EDNRA: variants seen among roughly 807,000 people sequenced by gnomAD.
EDNRA encodes the protein endothelin receptor type A, also known as endothelin-1 receptor.
A neutral mutation model predicts 41.4 loss-of-function variants in EDNRA; 11 were observed. The observed-to-expected ratio is 0.27, with a 90% CI of 0.17 to 0.44. The LOEUF (loss-of-function observed/expected upper bound fraction) is 0.44. Among genes scored for constraint, EDNRA ranks in the 20% least tolerant of loss-of-function variants. The pLI is 1.00. For synonymous variants in EDNRA, 172 were observed against 183.0 expected (o/e 0.94, Z 0.49); for missense variants, 294 against 531.0 (o/e 0.55, Z 4.39).
In EDNRA at chr4:147,500,425, A is replaced by T. The variant is rs538753914; in HGVS notation, c.420+14324A>T. ...TTCTCTGTTTACATTAGATTTTTCC[A>T]AACTGTTAGCAGTCAGGTGCGGTGA... On this transcript the variant is annotated intron_variant, in intron 2 of 7. Coordinates refer to ENST00000651419, the MANE Select transcript of EDNRA (RefSeq NM_001957.4). 1.4e-4 allele frequency among the ~76,000 whole-genome samples: 21 copies of T among 152,336 alleles called. No homozygotes were observed. In the East Asian group the frequency reaches 3.5e-3, roughly 25 times the overall value.
intron 3 of EDNRA, among the ~76,000 whole-genome samples, chr4:147,521,013 T>G (rs1313117853): frequency 1.3e-5 from 2 of 152,130 alleles, no homozygotes; most frequent in Non-Finnish European, 2.9e-5. Flanking sequence ...TCCTAGCACT[T>G]TAGGAGGCCA....
In EDNRA at chr4:147,523,480, GTT is replaced by G. The variant is rs1288499519; in HGVS notation, c.548+3508_548+3509del. ...GTGTTTGTTTTTTTTTGTTGTTGTT[GTT>G]TTTTTGTTTTTTTTGTTTTTTTTTT... On this transcript the variant is annotated intron_variant, in intron 3 of 7. Transcript: ENST00000651419. Among the ~76,000 whole-genome samples, 60 of 140,566 alleles carry G rather than the reference GTT, an allele frequency of 4.3e-4. 2 individuals carry two copies. Among genetic ancestry groups the G allele is most frequent in the African/African-American group, 1.7e-3 (58 of 35,108 alleles). 92.2% of individuals were successfully genotyped at this position (140,566 alleles called of 152,430 possible).
chr4:147,534,331 T>G (rs1390092150), intron 4 of EDNRA, among the ~76,000 whole-genome samples: 2 of 152,228 alleles, frequency 1.3e-5, no homozygotes, highest in Non-Finnish European at 2.9e-5. Context: ...GACTGAAATC[T>G]TTCTACAGTG....
Position 147,488,778 on chromosome 4 carries a change from C to G in EDNRA, c.420+2677C>G, listed in dbSNP as rs1036464187. 3 of 152,218 alleles carry G rather than the reference C, an allele frequency of 2.0e-5. No individual in the cohort carries two copies. In the East Asian group the frequency reaches 5.8e-4, roughly 29 times the overall value. 9.4% of individuals were successfully genotyped at this position (152,218 alleles called of 1,614,324 possible). Reference sequence around the variant, plus strand: ...TCTTCTGACTTCTAAGCAGGATACTCAAGAGATCCTTCCAAGCAATGTGAG... The same window carrying G: ...TCTTCTGACTTCTAAGCAGGATACTGAAGAGATCCTTCCAAGCAATGTGAG... On this transcript the variant is annotated intron_variant, in intron 2 of 7. Transcript: ENST00000651419.
chr4:147,535,390 A>G (rs1385768810), intron 4 of EDNRA, among the ~76,000 whole-genome samples: 4 of 152,218 alleles, frequency 2.6e-5, no homozygotes, highest in Non-Finnish European at 4.4e-5. Context: ...CTATTAACCA[A>G]AGCTACACAG....
chr4:147,523,460 T>C (rs558486776), intron 3 of EDNRA, among the ~76,000 whole-genome samples: 1 of 138,660 alleles, frequency 7.2e-6, no homozygotes, highest in East Asian at 2.0e-4. Flanking sequence ...GTTGGGTGTT[T>C]GTTTTTTTTT....
intron 2 of EDNRA, among the ~76,000 whole-genome samples, chr4:147,502,677 A>G (rs1049723019): frequency 6.6e-6 from 1 of 152,242 alleles, no homozygotes; most frequent in Non-Finnish European, 1.5e-5. Context: ...GCCAATATCC[A>G]AACTTTACTC....
chr4:147,496,818 T>C (rs1385890874), intron 2 of EDNRA, among the ~76,000 whole-genome samples: 2 of 152,250 alleles, frequency 1.3e-5, no homozygotes, highest in African/African-American at 4.8e-5. Flanking sequence ...TATCGCACTT[T>C]CTCAATTCTA....
chr4:147,523,970 G>A (rs1283444257), intron 3 of EDNRA, among the ~76,000 whole-genome samples: 1 of 152,014 alleles, frequency 6.6e-6, no homozygotes, highest in Non-Finnish European at 1.5e-5. Flanking sequence ...AGTCATTTGA[G>A]GGGCTTAGAA....
chr4:147,488,546 C>T (rs185707124), intron 2 of EDNRA: 1 of 151,914 alleles, frequency 6.6e-6, no homozygotes, highest in East Asian at 1.9e-4. Context: ...TTCCAAAACT[C>T]GTAATGAGTC....
At chr4:147,493,547 A>C (rs924946896) in intron 2 of EDNRA, 1 of 152,198 alleles carries the variant, frequency 6.6e-6, no homozygotes, top group African/African-American at 2.4e-5. Context: ...ATATACTGCC[A>C]GAAATTCTAC....
intron 2 of EDNRA, among the ~76,000 whole-genome samples, chr4:147,505,211 A>G (rs1729650104): frequency 8.1e-6 from 1 of 123,218 alleles, no homozygotes; most frequent in Admixed American, 7.6e-5. Context: ...GTAAAAAAAA[A>G]AAAAAGAGAG....
chr4:147,497,584 T>G (rs1214802866), intron 2 of EDNRA, among the ~76,000 whole-genome samples: 2 of 152,096 alleles, frequency 1.3e-5, no homozygotes, highest in African/African-American at 4.8e-5. Context: ...TGGACTTTTT[T>G]TTTTTGAGAT....
Position 147,486,174 on chromosome 4 carries a change from C to G in EDNRA, c.420+73C>G. On this transcript the variant is annotated intron_variant, in intron 2 of 7. Coordinates refer to ENST00000651419, the MANE Select transcript of EDNRA (RefSeq NM_001957.4). This position sits in a 1 kb window ranked among gnomAD's most constrained non-coding sequence, Gnocchi z 4.3. ...ATTCCACGTGGAGAGTTGCTGCAGA[C>G]TTTTCTGACCTTTGGAATTTTATCT... 1 of 1,478,334 alleles carries G rather than the reference C, an allele frequency of 6.8e-7. No individual in the cohort carries two copies. Among genetic ancestry groups the G allele is most frequent in the Non-Finnish European group, 9.1e-7 (1 of 1,104,216 alleles). 91.6% of individuals were successfully genotyped at this position (1,478,334 alleles called of 1,614,324 possible).
At chr4:147,498,447 A>G (rs1304334026) in intron 2 of EDNRA, among the ~76,000 whole-genome samples, 1 of 151,974 alleles carries the variant, frequency 6.6e-6, no homozygotes, top group Non-Finnish European at 1.5e-5. Context: ...TCGCTCACCC[A>G]GGGCCCAGCA....
intron 5 of EDNRA, 35 bp downstream of exon 5, chr4:147,536,064 A>T: frequency 9.3e-6 from 15 of 1,612,572 alleles, no homozygotes; most frequent in Non-Finnish European, 1.3e-5. Flanking sequence ...TCTGGCCAGG[A>T]CTGGTTAGTC....
chr4:147,504,976 A>AAAAAAAAAAAAAG (rs1360457648), intron 2 of EDNRA, among the ~76,000 whole-genome samples: 5 of 149,240 alleles, frequency 3.4e-5, no homozygotes, highest in Non-Finnish European at 5.9e-5. Flanking sequence ...AAAAAAAAAA[A>AAAAAAAAAAAAAG]AGGATTCATA....
At chr4:147,523,471 G>T (rs57183333) in intron 3 of EDNRA, among the ~76,000 whole-genome samples, 5,228 of 104,334 alleles carry the variant, frequency 0.05, 349 homozygotes, top group African/African-American at 0.23. Flanking sequence ...GTTTTTTTTT[G>T]TTGTTGTTGT....
chr4:147,540,572 T>C, intron 7 of EDNRA, 87 bp downstream of exon 7: 1 of 895,496 alleles, frequency 1.1e-6, no homozygotes, highest in South Asian at 1.8e-5. Context: ...AGTTGTAATA[T>C]TACTTTGATC....
Sources: allele counts gnomAD v4.1 joint callset (sites outside exome capture counted in the v4.1 genomes callset), GRCh38; gene constraint gnomAD v4.1.1; non-coding constraint Gnocchi (gnomAD v3.1); transcripts MANE v1.5; gene names NCBI Gene and HGNC (gene_info 2026-07-23, HGNC 2026-07-21).